Variants in ADAMTSL1 observed in about 807,000 individuals in gnomAD.
ADAMTSL1 encodes the protein ADAMTS like 1.
ADAMTSL1 carries 126 observed loss-of-function variants against 201.8 expected under a neutral mutation model. The observed-to-expected ratio is 0.62, with a 90% CI of 0.54 to 0.72. The LOEUF (loss-of-function observed/expected upper bound fraction) is 0.72. Among genes scored for constraint, ADAMTSL1 ranks in the 30% least tolerant of loss-of-function variants. The pLI is 0.00. For synonymous variants in ADAMTSL1, 1,121 were observed against 903.4 expected, an observed-to-expected ratio of 1.24 and a Z score of -4.32; for missense variants, 2,679 against 2,277.8, an observed-to-expected ratio of 1.18 and a Z score of -3.59.
chr9:18,471,767 C>G (rs567170385), upstream of ADAMTSL1, among the ~76,000 whole-genome samples: 3 of 152,268 alleles, frequency 2.0e-5, no homozygotes, highest in African/African-American at 4.8e-5. Flanking sequence ...GAGGGCTTAA[C>G]TTTAAAATAG....
At chr9:18,360,300 A>C (rs1836461804) in intron 2 of ADAMTSL1, among the ~76,000 whole-genome samples, 1 of 152,232 alleles carries the variant, frequency 6.6e-6, no homozygotes, top group Non-Finnish European at 1.5e-5. Flanking sequence ...TACGAGCTAC[A>C]CAAAAACATG....
At chr9:18,216,825 T>C (rs1428791255) in intron 2 of ADAMTSL1, among the ~76,000 whole-genome samples, 3 of 152,170 alleles carry the variant, frequency 2.0e-5, no homozygotes, top group Non-Finnish European at 2.9e-5. Context: ...TCCATGTTAA[T>C]AGTATTGCAT....
chr9:18,283,336 G>C (rs573565732), intron 2 of ADAMTSL1, among the ~76,000 whole-genome samples: 1 of 151,954 alleles, frequency 6.6e-6, no homozygotes, highest in Non-Finnish European at 1.5e-5. Flanking sequence ...CAGGTGTAGT[G>C]GTTCATGACT....
At position 18,829,868 on chromosome 9, in the gene ADAMTSL1, G is replaced by A; in HGVS notation, c.4140G>A (p.Leu1380=). ...ILDPPQVPTQ[L]EDIRALLAAT... ...ATCCCCCCCAAGTCCCCACACAGTT[G>A]GAAGACATCAGGGCCTTGCTCGCTG... Residue 1380 remains leucine (L), a synonymous_variant, in exon 23 of 29, where the codon TTG becomes TTA. Coordinates refer to ENST00000380548, the MANE Select transcript of ADAMTSL1 (RefSeq NM_001040272.6). 6 of 1,613,942 alleles carry A rather than the reference G, an allele frequency of 3.7e-6. No individual in the cohort carries two copies. Among genetic ancestry groups the A allele is most frequent in the Non-Finnish European group, 5.1e-6 (6 of 1,179,874 alleles).
At chr9:18,653,554 C>T (rs12340239) in intron 7 of ADAMTSL1, among the ~76,000 whole-genome samples, 13,223 of 150,118 alleles carry the variant, frequency 0.088, 725 homozygotes, top group Admixed American at 0.13. Flanking sequence ...GGCAGGAGAA[C>T]TGCTTGAGCT....
chr9:18,254,581 T>A (rs976662920), intron 2 of ADAMTSL1, among the ~76,000 whole-genome samples: 70 of 151,772 alleles, frequency 4.6e-4, no homozygotes, highest in Non-Finnish European at 6.6e-4. Context: ...GCCAGGATGG[T>A]CTCGATCTCC....
rs566582553 is a variant in ADAMTSL1 at position 18,887,913 on chromosome 9, G to A, written c.4332G>A (p.Thr1444=). The A allele has an allele frequency of 1.5e-5, 24 of 1,613,976 alleles. No homozygotes were observed. Among genetic ancestry groups the A allele is most frequent in the African/African-American group, 2.7e-5 (2 of 75,038 alleles). The stretch of plus-strand genomic sequence containing the variant: ...CAATTGTCACTGCCACAGGACTGAC[G>A]CATCACATCTTGGCAGCTGGACAGA... ...GQPIVTATGL[T]HHILAAGQIL... is the part of the protein sequence containing the mutation. The change falls in exon 24 of 29, where the codon ACG becomes ACA. Residue 1444 remains threonine (T), a synonymous_variant. Transcript: ENST00000380548.
chr9:18,814,793 C>G (rs1823728346), intron 20 of ADAMTSL1, among the ~76,000 whole-genome samples: 1 of 152,230 alleles, frequency 6.6e-6, no homozygotes, highest in South Asian at 2.1e-4. Flanking sequence ...TAATACCTGG[C>G]TGATGAAATA....
intron 1 of ADAMTSL1, among the ~76,000 whole-genome samples, chr9:17,988,123 G>A (rs1422844894): frequency 2.0e-5 from 3 of 152,068 alleles, no homozygotes; most frequent in Non-Finnish European, 4.4e-5. Flanking sequence ...TGGAAACCAT[G>A]TGTGGTTGTA....
At chr9:18,247,689 G>A (rs1831315879) in intron 2 of ADAMTSL1, among the ~76,000 whole-genome samples, 1 of 152,166 alleles carries the variant, frequency 6.6e-6, no homozygotes, top group Non-Finnish European at 1.5e-5. Context: ...CCTGAAGAAA[G>A]TGTGTGAAGA....
chr9:18,329,719 T>C (rs955907831), intron 2 of ADAMTSL1, among the ~76,000 whole-genome samples: 1 of 152,214 alleles, frequency 6.6e-6, no homozygotes, highest in Non-Finnish European at 1.5e-5. Flanking sequence ...AAAGTTTTCA[T>C]GTCTTTCCTC....
intron 4 of ADAMTSL1, among the ~76,000 whole-genome samples, chr9:18,617,953 T>G (rs1825805390): frequency 6.6e-6 from 1 of 152,158 alleles, no homozygotes; most frequent in Non-Finnish European, 1.5e-5. Context: ...TTCCACTGTT[T>G]GCAAAAAAAT....
At chr9:18,616,094 C>T (rs548838589) in intron 4 of ADAMTSL1, among the ~76,000 whole-genome samples, 4 of 152,222 alleles carry the variant, frequency 2.6e-5, no homozygotes, top group South Asian at 4.1e-4. Flanking sequence ...GACGCCATCT[C>T]GGCTCACTGC....
chr9:18,803,541 G>T (rs1363401824), intron 20 of ADAMTSL1, among the ~76,000 whole-genome samples: 3 of 152,162 alleles, frequency 2.0e-5, no homozygotes. Flanking sequence ...CATCTTGGAA[G>T]GTCATTATTC....
rs184818644 is a variant in ADAMTSL1 at position 18,162,795 on chromosome 9, G to A, written c.88-1067G>A. 2.6e-4 allele frequency among the ~76,000 whole-genome samples: 39 copies of A among 151,976 alleles called. No individual in the cohort carries two copies. In the Middle Eastern group the frequency reaches 0.01, roughly 40 times the overall value. On this transcript the variant is annotated intron_variant, in intron 1 of 29. Coordinates refer to the ADAMTSL1 transcript ENST00000680146. ...AGTTAAAAAGACAATGTGATATACC[G>A]TGTTCATTATAAATATTATAAATAT...
intron 16 of ADAMTSL1, among the ~76,000 whole-genome samples, chr9:18,756,692 C>G (rs1226822791): frequency 6.6e-6 from 1 of 152,182 alleles, no homozygotes; most frequent in Non-Finnish European, 1.5e-5. Context: ...CAACACCCAA[C>G]CTACAGCCTC....
intron 2 of ADAMTSL1, among the ~76,000 whole-genome samples, chr9:18,269,845 C>CTTTTTTTTTT (rs11376831): frequency 6.9e-6 from 1 of 145,558 alleles, no homozygotes; most frequent in African/African-American, 2.5e-5. Flanking sequence ...CCTCTTCATC[C>CTTTTTTTTTT]TTTTTTTTTT....
chr9:18,341,952 T>G (rs1835481320), intron 2 of ADAMTSL1, among the ~76,000 whole-genome samples: 1 of 152,158 alleles, frequency 6.6e-6, no homozygotes, highest in East Asian at 1.9e-4. Context: ...GATGTCCACT[T>G]TGGTTTGGTT....
At chr9:18,281,956 T>C (rs1249008725) in intron 2 of ADAMTSL1, among the ~76,000 whole-genome samples, 1 of 152,222 alleles carries the variant, frequency 6.6e-6, no homozygotes, top group African/African-American at 2.4e-5. Flanking sequence ...GGTTATTTAT[T>C]TTTTTAATTT....
Sources: gnomAD v4.1 joint callset for allele counts (sites outside exome capture counted in the v4.1 genomes callset) on GRCh38, gnomAD v4.1.1 for gene constraint, MANE v1.5 for transcripts, NCBI Gene and HGNC (gene_info 2026-07-23, HGNC 2026-07-21) for gene names.